The following CDH12 variants were observed in gnomAD, a reference collection of about 807,000 sequenced individuals.
The protein encoded by CDH12 is cadherin 12.
In CDH12, 41 loss-of-function variants were observed where a neutral mutation model predicts 74.1. The observed-to-expected ratio is 0.55, with a 90% confidence interval of 0.43 to 0.72. The LOEUF is 0.72. Among genes scored for constraint, CDH12 ranks in the 30% least tolerant of loss-of-function variants. The probability of loss-of-function intolerance (pLI) is 0.00; values close to 1 mark genes in which losing one functional copy is unlikely to be tolerated. For missense variants in CDH12, 945 were observed against 977.2 expected (o/e 0.97, Z 0.44); for synonymous variants, 399 against 355.0 (o/e 1.12, Z -1.39).
intron 3 of CDH12, among the ~76,000 whole-genome samples, chr5:22,379,403 C>T (rs1216132428): frequency 6.6e-6 from 1 of 152,116 alleles, no homozygotes; most frequent in Non-Finnish European, 1.5e-5. Flanking sequence ...ATCACAAGTA[C>T]TTAAGTTCCT....
rs115350378 is a variant in CDH12 at position 22,249,457 on chromosome 5, G to A, written c.-332-36814C>T. Among the ~76,000 whole-genome samples the A allele has an allele frequency of 1.6e-3, 240 of 152,262 alleles. 2 individuals carry two copies. Among genetic ancestry groups the A allele is most frequent in the African/African-American group, 5.4e-3 (224 of 41,556 alleles). ...AGAAAAGACAGCTGTGTAGAGATTA[G>A]GTTTACAAAGCAAGATCTGTATCCA... is the stretch of plus-strand genomic sequence containing the variant. On this transcript the variant is annotated intron_variant, in intron 3 of 14. Transcript: ENST00000382254.
intron 4 of CDH12, among the ~76,000 whole-genome samples, chr5:22,184,020 T>TA (rs35625153): frequency 0.071 from 10,289 of 145,654 alleles, 710 homozygotes; most frequent in African/African-American, 0.19. Context: ...ACCCTAGTGA[T>TA]AAAAAAAAAA....
intron 3 of CDH12, among the ~76,000 whole-genome samples, chr5:22,282,448 T>C (rs1043837167): frequency 4.6e-5 from 7 of 152,060 alleles, no homozygotes; most frequent in African/African-American, 1.7e-4. Flanking sequence ...ATCATCTGAG[T>C]AAACAGGCAA....
intron 6 of CDH12, among the ~76,000 whole-genome samples, chr5:21,901,524 T>C (rs1753383084): frequency 6.6e-6 from 1 of 152,186 alleles, no homozygotes; most frequent in Non-Finnish European, 1.5e-5. Flanking sequence ...AAGTGACATC[T>C]CAATTTCCTT....
chr5:22,524,766 CAT>C (rs1466913788), intron 1 of CDH12, among the ~76,000 whole-genome samples: 6 of 152,008 alleles, frequency 3.9e-5, no homozygotes, highest in African/African-American at 7.2e-5. Flanking sequence ...CCAAGTGACA[CAT>C]GTCACATCTC....
chr5:22,375,749 T>A (rs1277149922), intron 3 of CDH12, among the ~76,000 whole-genome samples: 1 of 151,958 alleles, frequency 6.6e-6, no homozygotes, highest in African/African-American at 2.4e-5. Context: ...TGATGTATCA[T>A]TTTACACCAG....
chr5:22,173,723 C>T (rs1456145470), intron 4 of CDH12, among the ~76,000 whole-genome samples: 1 of 151,852 alleles, frequency 6.6e-6, no homozygotes, highest in East Asian at 1.9e-4. Context: ...ACCACATACA[C>T]TGTGATAGTA....
At chr5:22,099,659 T>C (rs562122019) in intron 4 of CDH12, among the ~76,000 whole-genome samples, 4 of 152,142 alleles carry the variant, frequency 2.6e-5, no homozygotes, top group Non-Finnish European at 5.9e-5. Context: ...ACACTGCCGG[T>C]TTACACTGTT....
chr5:22,798,338 C>T (rs549643965), intron 1 of CDH12, among the ~76,000 whole-genome samples: 1 of 152,180 alleles, frequency 6.6e-6, no homozygotes, highest in East Asian at 1.9e-4. Context: ...AGTTTAAATA[C>T]ATGAACTTAC....
chr5:22,290,761 T>A (rs888559733), intron 3 of CDH12, among the ~76,000 whole-genome samples: 1 of 151,972 alleles, frequency 6.6e-6, no homozygotes, highest in Non-Finnish European at 1.5e-5. Flanking sequence ...ACAAACTAAT[T>A]GGAAAAATAA....
At chr5:22,333,314 G>A (rs949829463) in intron 3 of CDH12, among the ~76,000 whole-genome samples, 12 of 152,052 alleles carry the variant, frequency 7.9e-5, no homozygotes, top group Admixed American at 5.2e-4. Flanking sequence ...GGGGCCTCTC[G>A]GGGGGTAGGG....
At chr5:22,418,139 T>C (rs1336435829) in intron 2 of CDH12, among the ~76,000 whole-genome samples, 3 of 152,184 alleles carry the variant, frequency 2.0e-5, no homozygotes, top group African/African-American at 2.4e-5. Context: ...TGGTTTGTAG[T>C]TCTCCTTGAA....
At chr5:21,762,423 C>T (rs937591231) in intron 12 of CDH12, among the ~76,000 whole-genome samples, 72 of 152,086 alleles carry the variant, frequency 4.7e-4, no homozygotes, top group African/African-American at 1.7e-3. Context: ...GTAGCATAAT[C>T]CAGGAGAGAC....
chr5:22,220,146 G>C (rs1487293193), intron 3 of CDH12, among the ~76,000 whole-genome samples: 1 of 151,648 alleles, frequency 6.6e-6, no homozygotes, highest in Non-Finnish European at 1.5e-5. Flanking sequence ...AGTGCTGATG[G>C]ACATATACAG....
intron 2 of CDH12, among the ~76,000 whole-genome samples, chr5:22,417,855 A>G (rs1349377128): frequency 6.6e-6 from 1 of 151,926 alleles, no homozygotes; most frequent in Non-Finnish European, 1.5e-5. Context: ...AAAGTCACGG[A>G]CTCTTAAAAT....
intron 3 of CDH12, among the ~76,000 whole-genome samples, chr5:22,395,439 A>T (rs1742414269): frequency 6.6e-6 from 1 of 152,084 alleles, no homozygotes; most frequent in Non-Finnish European, 1.5e-5. Flanking sequence ...TTTGTTTTAA[A>T]CTACCAAGTT....
At chr5:22,364,304 G>A (rs548648767) in intron 3 of CDH12, among the ~76,000 whole-genome samples, 1 of 127,962 alleles carries the variant, frequency 7.8e-6, no homozygotes, top group African/African-American at 2.5e-5. Flanking sequence ...GGGAAGAAAA[G>A]ACAATGCTTT....
At chr5:22,082,391 G>A (rs746289257) in intron 4 of CDH12, among the ~76,000 whole-genome samples, 1 of 152,050 alleles carries the variant, frequency 6.6e-6, no homozygotes, top group African/African-American at 2.4e-5. Flanking sequence ...ATAAGCACTC[G>A]ATACTGTGAC....
chr5:22,787,975 G>GT (rs1561031100), intron 1 of CDH12, among the ~76,000 whole-genome samples: 2 of 152,172 alleles, frequency 1.3e-5, no homozygotes, highest in Non-Finnish European at 2.9e-5. Flanking sequence ...AAATGAGTCA[G>GT]TAAGTTCAGC....
Sources: gnomAD v4.1 joint callset for allele counts (sites outside exome capture counted in the v4.1 genomes callset) on GRCh38, gnomAD v4.1.1 for gene constraint, MANE v1.5 for transcripts, NCBI Gene and HGNC (gene_info 2026-07-23, HGNC 2026-07-21) for gene names.